The following CDH12 variants were observed in gnomAD, a reference collection of about 807,000 sequenced individuals.
The protein encoded by CDH12 is cadherin-12.
Under a neutral mutation model 74.1 loss-of-function variants are expected in CDH12, and 41 were observed. That is an observed-to-expected ratio of 0.55 (90% CI 0.43 to 0.72). CDH12 has a LOEUF of 0.72. Among genes scored for constraint, CDH12 ranks in the 30% least tolerant of loss-of-function variants. The pLI, the probability that CDH12 is intolerant of heterozygous loss-of-function variation, is 0.00. For synonymous variants in CDH12, 399 were observed against 355.0 expected, an observed-to-expected ratio of 1.12 and a Z score of -1.39; for missense variants, 945 against 977.2, an observed-to-expected ratio of 0.97 and a Z score of 0.44.
At chr5:22,117,467 T>TG (rs1745197918) in intron 4 of CDH12, among the ~76,000 whole-genome samples, 1 of 64,608 alleles carries the variant, frequency 1.5e-5, no homozygotes, top group East Asian at 5.8e-4. Context: ...ATTATATATA[T>TG]AATATATATA....
chr5:22,159,678 G>A (rs533174826), intron 4 of CDH12, among the ~76,000 whole-genome samples: 10 of 152,064 alleles, frequency 6.6e-5, no homozygotes, highest in African/African-American at 1.9e-4. Flanking sequence ...AACTCACTTC[G>A]GTTTTTACCT....
intron 5 of CDH12, among the ~76,000 whole-genome samples, chr5:22,027,681 T>C (rs1738467502): frequency 6.6e-6 from 1 of 152,166 alleles, no homozygotes. Flanking sequence ...CATTTTTTAT[T>C]GTGTGTATTT....
intron 1 of CDH12, among the ~76,000 whole-genome samples, chr5:22,516,945 G>C (rs1036894459): frequency 6.6e-6 from 1 of 151,812 alleles, no homozygotes; most frequent in African/African-American, 2.4e-5. Flanking sequence ...GATGAAAGAA[G>C]TTTAGATGCG....
chr5:22,561,670 C>A (rs971385437), intron 1 of CDH12, among the ~76,000 whole-genome samples: 5 of 151,956 alleles, frequency 3.3e-5, no homozygotes, highest in Non-Finnish European at 2.9e-5. Context: ...TATAGAAAGG[C>A]GAGGGCAGCA....
chr5:21,804,293 A>G (rs1430887072), intron 9 of CDH12, among the ~76,000 whole-genome samples: 1 of 152,158 alleles, frequency 6.6e-6, no homozygotes, highest in Non-Finnish European at 1.5e-5. Flanking sequence ...GAAGTGTAGT[A>G]TCTGAAAAAA....
chr5:21,837,479 T>A (rs578200290), intron 8 of CDH12, among the ~76,000 whole-genome samples: 2 of 152,146 alleles, frequency 1.3e-5, no homozygotes, highest in East Asian at 3.9e-4. Flanking sequence ...TTTTTTTTTT[T>A]TTTTTAGCAT....
chr5:22,312,352 A>G (rs1293585296), intron 3 of CDH12, among the ~76,000 whole-genome samples: 1 of 152,206 alleles, frequency 6.6e-6, no homozygotes, highest in Non-Finnish European at 1.5e-5. Context: ...TCTCAAAATG[A>G]AAGCATTAGT....
At chr5:22,392,760 C>T (rs1580600795) in intron 3 of CDH12, among the ~76,000 whole-genome samples, 1 of 152,162 alleles carries the variant, frequency 6.6e-6, no homozygotes, top group East Asian at 1.9e-4. Context: ...GCTGTTGCAG[C>T]AGTCTACAGA....
chr5:21,813,198 G>C (rs991312621), intron 9 of CDH12, among the ~76,000 whole-genome samples: 1 of 152,102 alleles, frequency 6.6e-6, no homozygotes, highest in African/African-American at 2.4e-5. Flanking sequence ...GTAAGGCGAG[G>C]CCAGGTGTGG....
chr5:22,478,298 G>C (rs909047715), intron 2 of CDH12, among the ~76,000 whole-genome samples: 14 of 151,064 alleles, frequency 9.3e-5, no homozygotes, highest in Non-Finnish European at 1.9e-4. Context: ...GGCGCCTGTA[G>C]TCCCAGCTAC....
intron 1 of CDH12, among the ~76,000 whole-genome samples, chr5:22,613,921 C>T (rs1216234985): frequency 6.6e-6 from 1 of 151,992 alleles, no homozygotes; most frequent in African/African-American, 2.4e-5. Flanking sequence ...TTATATTTTT[C>T]ATTTCAATTA....
rs533198219 is a variant in CDH12, at chr5:22,110,086, A to G, written c.-186-31224T>C. On this transcript the variant is annotated intron_variant, in intron 4 of 14. Coordinates refer to ENST00000382254, the MANE Select transcript of CDH12 (RefSeq NM_004061.5). The stretch of plus-strand genomic sequence containing the variant: ...GTTTGTGCATATTTCCCTAGGCTTC[A>G]ATCTCCTGTCCTTCATAATAAAATG... 2.0e-5 allele frequency among the ~76,000 whole-genome samples: 3 copies of G among 152,308 alleles called. No individual in the cohort carries two copies. In the East Asian group the frequency reaches 5.8e-4, roughly 29 times the overall value.
chr5:22,685,697 C>G (rs1741752217), intron 1 of CDH12, among the ~76,000 whole-genome samples: 1 of 152,150 alleles, frequency 6.6e-6, no homozygotes, highest in African/African-American at 2.4e-5. Flanking sequence ...ACTGTGTTTT[C>G]AAGGTTCATC....
At chr5:22,773,251 C>T (rs1475100826) in intron 1 of CDH12, among the ~76,000 whole-genome samples, 2 of 152,010 alleles carry the variant, frequency 1.3e-5, no homozygotes. Context: ...TGACTTCAAA[C>T]TATACTATAA....
At chr5:22,232,016 GT>G (rs1032619837) in intron 3 of CDH12, among the ~76,000 whole-genome samples, 6 of 151,614 alleles carry the variant, frequency 4.0e-5, no homozygotes, top group East Asian at 1.9e-4. Flanking sequence ...ATTAATGAAG[GT>G]TTTTTTATAG....
chr5:22,641,771 AT>A (rs1166445783), intron 1 of CDH12, among the ~76,000 whole-genome samples: 2 of 152,150 alleles, frequency 1.3e-5, no homozygotes, highest in Non-Finnish European at 2.9e-5. Context: ...ATATCTTAAA[AT>A]TTTTATGTTT....
chr5:22,451,457 T>C (rs1191968851), intron 2 of CDH12, among the ~76,000 whole-genome samples: 1 of 151,670 alleles, frequency 6.6e-6, no homozygotes, highest in Non-Finnish European at 1.5e-5. Context: ...CTCAATAGAA[T>C]CAAGAACAAA....
At chr5:22,634,247 T>C (rs754825231) in intron 1 of CDH12, among the ~76,000 whole-genome samples, 22 of 152,124 alleles carry the variant, frequency 1.4e-4, no homozygotes, top group South Asian at 6.2e-4. Context: ...TTACATTATA[T>C]GTTAATTGAT....
intron 3 of CDH12, among the ~76,000 whole-genome samples, chr5:22,347,790 T>C (rs1228422248): frequency 2.0e-5 from 3 of 152,170 alleles, no homozygotes; most frequent in Non-Finnish European, 2.9e-5. Context: ...GCCAGTAGTA[T>C]TACTGATACT....
Sources: allele counts gnomAD v4.1 joint callset (sites outside exome capture counted in the v4.1 genomes callset), GRCh38; gene constraint gnomAD v4.1.1; transcripts MANE v1.5; gene names NCBI Gene and HGNC (gene_info 2026-07-23, HGNC 2026-07-21).